STPG2: variants seen among roughly 807,000 people sequenced by gnomAD.
STPG2 encodes the protein sperm-tail PG-rich repeat-containing protein 2.
STPG2 carries 56 observed loss-of-function variants against 54.2 expected under a neutral mutation model. That is an observed-to-expected ratio of 1.03 (90% CI 0.83 to 1.29). The LOEUF (loss-of-function observed/expected upper bound fraction) is 1.29, where lower values mean the gene tolerates loss of function less well. STPG2 is among the 50% of genes most tolerant of loss of function. STPG2 has a pLI of 0.00. For missense variants in STPG2, 596 were observed against 544.9 expected, an observed-to-expected ratio of 1.09 and a Z score of -0.93; for synonymous variants, 200 against 181.8, an observed-to-expected ratio of 1.10 and a Z score of -0.81.
chr4:97,792,115 A>G (rs1255201500), intron 9 of STPG2, among the ~76,000 whole-genome samples: 3 of 152,164 alleles, frequency 2.0e-5, no homozygotes, highest in Non-Finnish European at 2.9e-5. Context: ...AGTGCTAAGA[A>G]AACTTAAACA....
chr4:97,477,454 T>A (rs1039623247), intron 4 of STPG2, among the ~76,000 whole-genome samples: 3 of 151,522 alleles, frequency 2.0e-5, no homozygotes, highest in African/African-American at 7.3e-5. Flanking sequence ...GTGTTCTTTA[T>A]GATGGTTTAC....
chr4:97,953,359 C>T (rs1275379580), intron 7 of STPG2, among the ~76,000 whole-genome samples: 1 of 152,212 alleles, frequency 6.6e-6, no homozygotes, highest in Non-Finnish European at 1.5e-5. Context: ...GTTCTAGGCA[C>T]TTAATGCTCA....
At chr4:97,845,069 C>G (rs369294993) in intron 8 of STPG2, among the ~76,000 whole-genome samples, 1 of 151,436 alleles carries the variant, frequency 6.6e-6, no homozygotes, top group East Asian at 1.9e-4. Context: ...TGGCTCACTG[C>G]TAGCATGTTT....
In STPG2 at chr4:97,920,425, G is replaced by A. The variant is rs369152899; in HGVS notation, c.1044+23472C>T. The stretch of plus-strand genomic sequence containing the variant: ...TGCCAACTAGTATTTTATGCTACTC[G>A]TGCCACTGGACCAAAGTAAAAGTTT... On this transcript the variant is annotated intron_variant, in intron 8 of 10. Coordinates refer to ENST00000295268, the MANE Select transcript of STPG2 (RefSeq NM_174952.3). Among the ~76,000 whole-genome samples, 34 of 152,226 alleles carry A rather than the reference G, an allele frequency of 2.2e-4. 1 individual carries two copies. Among genetic ancestry groups the A allele is most frequent in the Admixed American group, 4.6e-4 (7 of 15,272 alleles).
chr4:98,039,056 G>A (rs1485292992), intron 5 of STPG2, among the ~76,000 whole-genome samples: 1 of 151,966 alleles, frequency 6.6e-6, no homozygotes, highest in East Asian at 1.9e-4. Context: ...ACCACATTAG[G>A]AAAGAAATTG....
intron 4 of STPG2, among the ~76,000 whole-genome samples, chr4:97,536,879 A>C (rs1397396357): frequency 6.6e-6 from 1 of 152,194 alleles, no homozygotes; most frequent in Non-Finnish European, 1.5e-5. Flanking sequence ...TAAACAATGA[A>C]GGGTGTCCTT....
chr4:97,946,885 G>T (rs78605906), intron 7 of STPG2, among the ~76,000 whole-genome samples: 6 of 152,036 alleles, frequency 3.9e-5, no homozygotes, highest in Non-Finnish European at 5.9e-5. Context: ...GCTCTTTTTT[G>T]ATTCCATATG....
chr4:97,707,821 T>C (rs1723997172), intron 10 of STPG2, among the ~76,000 whole-genome samples: 1 of 151,790 alleles, frequency 6.6e-6, no homozygotes, highest in Non-Finnish European at 1.5e-5. Flanking sequence ...AAAAACCATA[T>C]CCAAATCAAA....
chr4:97,924,324 C>T (rs1446933445), intron 8 of STPG2, among the ~76,000 whole-genome samples: 1 of 152,214 alleles, frequency 6.6e-6, no homozygotes, highest in African/African-American at 2.4e-5. Flanking sequence ...TTAATAAAAA[C>T]ATTTTAAACA....
intron 8 of STPG2, among the ~76,000 whole-genome samples, chr4:97,877,709 T>C (rs922080067): frequency 7.2e-5 from 11 of 152,246 alleles, no homozygotes; most frequent in Non-Finnish European, 7.4e-5. Flanking sequence ...CAATTCAAGA[T>C]GGGATTTGTG....
In STPG2 at chr4:98,080,232, T is replaced by C. The variant is rs1738301183; in HGVS notation, c.612+25721A>G. ...TTAAGTTTAAAGTTCTTATAGTTTA[T>C]AAACTATATTGTTATAAATTTTACT... On this transcript the variant is annotated intron_variant, in intron 5 of 10. Transcript: ENST00000295268. Among the ~76,000 whole-genome samples, 3 of 152,316 alleles carry C rather than the reference T, an allele frequency of 2.0e-5. No individual in the cohort carries two copies. The South Asian group carries it at 6.2e-4, about 32-fold the overall frequency.
chr4:97,571,252 G>A (rs1211425011), intron 10 of STPG2, among the ~76,000 whole-genome samples: 3 of 151,856 alleles, frequency 2.0e-5, no homozygotes, highest in South Asian at 4.2e-4. Flanking sequence ...GATAGCCTTC[G>A]ACTGAAACTG....
Position 98,004,132 on chromosome 4 carries a change from T to C in STPG2, c.613-22814A>G, listed in dbSNP as rs144564290. ...AGAACTTATTCATCTTGCATACCTG[T>C]AATGTTGTATCCTTTGACCCATATT... On this transcript the variant is annotated intron_variant, in intron 5 of 10. Transcript: ENST00000295268. Among the ~76,000 whole-genome samples, 620 of 152,226 alleles carry C rather than the reference T, an allele frequency of 4.1e-3. 6 individuals are homozygous for C. Among genetic ancestry groups the C allele is most frequent in the African/African-American group, 0.014 (595 of 41,568 alleles).
intron 5 of STPG2, among the ~76,000 whole-genome samples, chr4:98,033,154 T>C (rs191722687): frequency 6.6e-5 from 10 of 150,660 alleles, no homozygotes; most frequent in East Asian, 3.9e-4. Flanking sequence ...AAAAAATCAA[T>C]GAATCCAGGA....
chr4:97,763,050 A>G (rs2149055319), intron 9 of STPG2, among the ~76,000 whole-genome samples: 1 of 152,288 alleles, frequency 6.6e-6, no homozygotes, highest in South Asian at 2.1e-4. Context: ...GATTAAAAGA[A>G]GACAAATTTG....
chr4:97,816,013 A>G (rs1727894914), intron 9 of STPG2, among the ~76,000 whole-genome samples: 1 of 152,082 alleles, frequency 6.6e-6, no homozygotes, highest in Admixed American at 6.6e-5. Flanking sequence ...TATTTCTCCT[A>G]ATGCTATCCC....
At chr4:97,805,355 G>T (rs769524006) in intron 9 of STPG2, among the ~76,000 whole-genome samples, 1 of 151,936 alleles carries the variant, frequency 6.6e-6, no homozygotes, top group Non-Finnish European at 1.5e-5. Flanking sequence ...TTACAGGCGC[G>T]CACCACCACA....
At chr4:97,684,866 T>G (rs1017316602) in intron 10 of STPG2, among the ~76,000 whole-genome samples, 1 of 151,868 alleles carries the variant, frequency 6.6e-6, no homozygotes, top group African/African-American at 2.4e-5. Context: ...CAAAGGACTT[T>G]TATCCAAAAT....
At chr4:97,574,932 A>C (rs369897043) in intron 10 of STPG2, among the ~76,000 whole-genome samples, 11 of 152,166 alleles carry the variant, frequency 7.2e-5, no homozygotes, top group African/African-American at 2.6e-4. Flanking sequence ...AAATAAGGAC[A>C]ATCAGAAATG....
Sources: allele counts gnomAD v4.1 joint callset (sites outside exome capture counted in the v4.1 genomes callset), GRCh38; gene constraint gnomAD v4.1.1; transcripts MANE v1.5; gene names NCBI Gene and HGNC (gene_info 2026-07-23, HGNC 2026-07-21).